NDUFAF6: variants seen among roughly 807,000 people sequenced by gnomAD.
NDUFAF6 encodes the protein NADH dehydrogenase (ubiquinone) complex I, assembly factor 6.
Under a neutral mutation model 40.8 loss-of-function variants are expected in NDUFAF6, and 45 were observed. That is an observed-to-expected ratio of 1.10 (90% confidence interval 0.87 to 1.42). The LOEUF (loss-of-function observed/expected upper bound fraction) is 1.42. NDUFAF6 is among the 40% of genes most tolerant of loss of function. NDUFAF6 has a pLI of 0.00. For synonymous variants in NDUFAF6, 185 were observed against 155.9 expected (o/e 1.19, Z -1.39); for missense variants, 435 against 418.5 (o/e 1.04, Z -0.34).
rs1158069839 is a variant in NDUFAF6 at position 94,973,576 on chromosome 8, C to CG, written c.-198-7280dup. Among the ~76,000 whole-genome samples the CG allele has an allele frequency of 7.2e-5, 11 of 152,030 alleles. 1 individual carries two copies. The highest frequency in any genetic ancestry group is 2.4e-4 in the African/African-American group (10 of 41,448). ...ACAAAAAATTAGCCAGGTGTGGTGG[C>CG]GGGCACCTTTAGTCCCAGCTACTCG... On this transcript the variant is annotated intron_variant, in intron 1 of 9. Coordinates refer to the NDUFAF6 transcript ENST00000396111.
intron 1 of NDUFAF6, among the ~76,000 whole-genome samples, chr8:94,917,399 A>G (rs1370093088): frequency 1.3e-5 from 2 of 152,238 alleles, no homozygotes; most frequent in Admixed American, 6.5e-5. Flanking sequence ...ACTAGAATCC[A>G]CATTTCTCAG....
chr8:95,029,100 T>C (rs1312455164), intron 1 of NDUFAF6, among the ~76,000 whole-genome samples: 1 of 152,148 alleles, frequency 6.6e-6, no homozygotes, highest in Non-Finnish European at 1.5e-5. Flanking sequence ...CATGACAAAG[T>C]GTGAACCAGT....
At chr8:95,094,826 C>T (rs1809399332) in intron 2 of NDUFAF6, among the ~76,000 whole-genome samples, 1 of 148,486 alleles carries the variant, frequency 6.7e-6, no homozygotes, top group Non-Finnish European at 1.5e-5. Flanking sequence ...GATCACAGCT[C>T]ATGGCAACTT....
At chr8:95,057,624 C>T (rs1425149905) in intron 8 of NDUFAF6, among the ~76,000 whole-genome samples, 185 bp from the exon 9 acceptor site, 1 of 152,138 alleles carries the variant, frequency 6.6e-6, no homozygotes, top group Non-Finnish European at 1.5e-5. Context: ...TACCCTTTTA[C>T]TGGTCTAATA....
intron 2 of NDUFAF6, among the ~76,000 whole-genome samples, chr8:95,086,248 G>A (rs1809039419): frequency 1.3e-5 from 2 of 152,152 alleles, no homozygotes; most frequent in African/African-American, 2.4e-5. Context: ...ACCTTTAATC[G>A]GGCTGTGAGG....
chr8:95,022,878 C>T (rs1211373282), upstream of NDUFAF6, among the ~76,000 whole-genome samples: 1 of 152,144 alleles, frequency 6.6e-6, no homozygotes, highest in Non-Finnish European at 1.5e-5. Context: ...ATCCCCCTCA[C>T]GTGTCATGGC....
intron 2 of NDUFAF6, among the ~76,000 whole-genome samples, chr8:95,010,550 T>C (rs1360998669): frequency 1.3e-5 from 2 of 152,248 alleles, no homozygotes; most frequent in Non-Finnish European, 2.9e-5. Context: ...CCCCCCTTTC[T>C]TTCTCTTTAA....
rs1489886348 is a variant in NDUFAF6, at chr8:94,932,277, T to C, written c.-935-13206T>C. Among the ~76,000 whole-genome samples, 4 of 152,202 alleles carry C rather than the reference T, an allele frequency of 2.6e-5. 1 individual carries two copies. The highest frequency in any genetic ancestry group is 2.0e-4 in the Admixed American group (3 of 15,282). ...GTAAAACCTTCAAAAACAATACTTA[T>C]AAAGGCTAAAATGCAATGAAATGTA... On this transcript the variant is annotated intron_variant, in intron 1 of 14. Coordinates refer to the NDUFAF6 transcript ENST00000396113.
chr8:95,117,747 T>A (rs1051574524), downstream of NDUFAF6, among the ~76,000 whole-genome samples: 4 of 152,244 alleles, frequency 2.6e-5, no homozygotes, highest in African/African-American at 7.2e-5. Context: ...CAAAAATTCC[T>A]ATGCAAACTT....
chr8:94,898,448 C>T (rs1293203510), intron 1 of NDUFAF6, among the ~76,000 whole-genome samples: 1 of 152,066 alleles, frequency 6.6e-6, no homozygotes, highest in Non-Finnish European at 1.5e-5. Context: ...AGATGAATTC[C>T]GGTAGACGAG....
intron 5 of NDUFAF6, among the ~76,000 whole-genome samples, chr8:95,046,517 A>G (rs745964062): frequency 1.3e-5 from 2 of 152,188 alleles, no homozygotes; most frequent in South Asian, 2.1e-4. Flanking sequence ...AAGGTAATAT[A>G]TATCTCTATA....
intron 2 of NDUFAF6, among the ~76,000 whole-genome samples, chr8:94,996,938 G>A (rs553251597): frequency 9.8e-4 from 150 of 152,294 alleles, no homozygotes; most frequent in Middle Eastern, 3.4e-3. Context: ...CCAGCCTCCA[G>A]AACTGTGAGA....
intron 4 of NDUFAF6, among the ~76,000 whole-genome samples, chr8:95,111,152 C>G (rs1289787208): frequency 6.6e-6 from 1 of 151,928 alleles, no homozygotes; most frequent in Admixed American, 6.6e-5. Flanking sequence ...TAACAAGTAG[C>G]ATTGAGATAG....
upstream of NDUFAF6, among the ~76,000 whole-genome samples, chr8:95,022,920 A>T (rs1376614661): frequency 6.6e-6 from 1 of 152,146 alleles, no homozygotes; most frequent in African/African-American, 2.4e-5. Context: ...GTGATGAGAG[A>T]GAGAGAGAGA....
chr8:95,102,468 C>T (rs1019176150), intron 2 of NDUFAF6, among the ~76,000 whole-genome samples: 1 of 152,228 alleles, frequency 6.6e-6, no homozygotes, highest in African/African-American at 2.4e-5. Context: ...CCCCCCACTC[C>T]TGACCCCCTG....
At chr8:95,011,229 C>T (rs1393021478) in intron 2 of NDUFAF6, among the ~76,000 whole-genome samples, 3 of 152,184 alleles carry the variant, frequency 2.0e-5, no homozygotes, top group Non-Finnish European at 2.9e-5. Flanking sequence ...CTGGAGGAGA[C>T]GCCACCTTTC....
intron 2 of NDUFAF6, among the ~76,000 whole-genome samples, chr8:95,032,444 A>G (rs1326005603): frequency 6.6e-6 from 1 of 152,240 alleles, no homozygotes; most frequent in Non-Finnish European, 1.5e-5. Flanking sequence ...ACATGTATAT[A>G]GCAGTTTTTC....
intron 2 of NDUFAF6, among the ~76,000 whole-genome samples, chr8:95,088,727 GTTTTC>G (rs1403398964): frequency 0.094 from 10,236 of 108,870 alleles, 375 homozygotes; most frequent in Middle Eastern, 0.15. Flanking sequence ...GTGTGTGTGT[GTTTTC>G]TTTTTGTTTT....
chr8:94,930,735 CAG>C (rs774341350), intron 1 of NDUFAF6: 28 of 1,609,760 alleles, frequency 1.7e-5, no homozygotes, highest in Middle Eastern at 1.7e-4. Flanking sequence ...CACTCTGAAA[CAG>C]AAAAAAGTGG....
Sources: allele counts gnomAD v4.1 joint callset (sites outside exome capture counted in the v4.1 genomes callset), GRCh38; gene constraint gnomAD v4.1.1; transcripts MANE v1.5; gene names NCBI Gene and HGNC (gene_info 2026-07-23, HGNC 2026-07-21).